ATG10: variants seen among roughly 807,000 people sequenced by gnomAD.
ATG10 encodes ubiquitin-like-conjugating enzyme ATG10.
Under a neutral mutation model 32.1 loss-of-function variants are expected in ATG10, and 30 were observed. That is an observed-to-expected ratio of 0.94 (90% CI 0.70 to 1.27). The LOEUF (loss-of-function observed/expected upper bound fraction) is 1.27, where lower values mean the gene tolerates loss of function less well. Among genes scored for constraint, ATG10 ranks in the 50% most tolerant of loss-of-function variants. The pLI is 0.00. For synonymous variants in ATG10, 87 were observed against 91.5 expected (o/e 0.95, Z 0.28); for missense variants, 233 against 262.3 (o/e 0.89, Z 0.77).
chr5:81,996,286 G>A (rs1386112563), intron 2 of ATG10, among the ~76,000 whole-genome samples: 1 of 152,200 alleles, frequency 6.6e-6, no homozygotes, highest in Non-Finnish European at 1.5e-5. Context: ...GTGCTGGAGT[G>A]CAGTGCAGTG....
intron 5 of ATG10, among the ~76,000 whole-genome samples, chr5:82,249,626 G>A (rs1176103312): frequency 6.6e-6 from 1 of 152,154 alleles, no homozygotes; most frequent in Non-Finnish European, 1.5e-5. Flanking sequence ...TACCAGATGA[G>A]GAAACAGAGA....
At chr5:82,190,366 A>G (rs2149943913) in intron 5 of ATG10, among the ~76,000 whole-genome samples, 1 of 152,016 alleles carries the variant, frequency 6.6e-6, no homozygotes, top group East Asian at 1.9e-4. Flanking sequence ...TATTATATAT[A>G]AAAATACACA....
intron 3 of ATG10, among the ~76,000 whole-genome samples, chr5:82,137,666 T>C (rs1388836002): frequency 6.6e-6 from 1 of 152,124 alleles, no homozygotes; most frequent in Admixed American, 6.5e-5. Context: ...TGCTGGGAAG[T>C]GCCTCCCAGT....
At chr5:81,993,939 AAGG>A (rs1040426926) in intron 2 of ATG10, among the ~76,000 whole-genome samples, 2 of 152,188 alleles carry the variant, frequency 1.3e-5, no homozygotes, top group Non-Finnish European at 2.9e-5. Context: ...GGAGCCAAAG[AAGG>A]AGAATTCTCT....
At chr5:82,200,463 C>CTTTTTTTTTTTTT (rs764388608) in intron 5 of ATG10, among the ~76,000 whole-genome samples, 1 of 52,496 alleles carries the variant, frequency 1.9e-5, no homozygotes, top group African/African-American at 7.8e-5. Context: ...TCCCTAACTT[C>CTTTTTTTTTTTTT]TTTTTTTTTT....
chr5:82,049,618 A>G (rs530185249), intron 2 of ATG10, among the ~76,000 whole-genome samples: 76 of 152,190 alleles, frequency 5.0e-4, no homozygotes, highest in Non-Finnish European at 7.8e-4. Flanking sequence ...GCATTATTGA[A>G]TGGCATTGAA....
At chr5:82,249,710 TCTTAA>T (rs1302419326) in intron 5 of ATG10, among the ~76,000 whole-genome samples, 1 of 152,158 alleles carries the variant, frequency 6.6e-6, no homozygotes, top group Non-Finnish European at 1.5e-5. Flanking sequence ...TCTCAAACAG[TCTTAA>T]CCATAGAGCT....
In ATG10 at chr5:82,082,154, G is replaced by A. The variant is rs111436666; in HGVS notation, c.216+23552G>A. 6.3e-3 allele frequency among the ~76,000 whole-genome samples: 960 copies of A among 152,194 alleles called. 10 individuals are homozygous for A. The highest frequency in any genetic ancestry group is 0.022 in the African/African-American group (908 of 41,520). ...AGTTACAATTCCAGATGAGATTTGG[G>A]GGGGGGGACACAGCCAAACCATTTC... On this transcript the variant is annotated intron_variant, in intron 3 of 7. Transcript: ENST00000282185.
intron 5 of ATG10, among the ~76,000 whole-genome samples, chr5:82,199,757 T>C (rs1479084108): frequency 6.6e-6 from 1 of 152,178 alleles, no homozygotes; most frequent in Non-Finnish European, 1.5e-5. Context: ...AAAATCAAGA[T>C]ACAGAGCATT....
intron 5 of ATG10, among the ~76,000 whole-genome samples, chr5:82,241,597 C>T (rs1038581171): frequency 3.3e-5 from 5 of 152,170 alleles, no homozygotes; most frequent in Middle Eastern, 3.4e-3. Flanking sequence ...CCCCCTTCTG[C>T]CCTAGGGTTT....
intron 2 of ATG10, among the ~76,000 whole-genome samples, chr5:82,029,068 T>C (rs1363417171): frequency 1.3e-5 from 2 of 152,192 alleles, no homozygotes; most frequent in African/African-American, 4.8e-5. Context: ...TCACAATTTA[T>C]TCATATTGTC....
intron 5 of ATG10, among the ~76,000 whole-genome samples, chr5:82,215,702 G>A (rs1217951971): frequency 6.6e-6 from 1 of 152,068 alleles, no homozygotes; most frequent in Non-Finnish European, 1.5e-5. Flanking sequence ...TTGGGAGGTT[G>A]AGGCAGGTGG....
intron 3 of ATG10, among the ~76,000 whole-genome samples, chr5:82,135,623 A>C (rs557595864): frequency 9.2e-5 from 14 of 152,262 alleles, no homozygotes; most frequent in Non-Finnish European, 1.9e-4. Flanking sequence ...TTTGCTGAGG[A>C]GTATTTTATT....
At chr5:82,199,878 A>G (rs1473020241) in intron 5 of ATG10, among the ~76,000 whole-genome samples, 2 of 152,104 alleles carry the variant, frequency 1.3e-5, no homozygotes. Flanking sequence ...TCGGAATGTC[A>G]TATATGGATT....
At chr5:82,023,538 G>C (rs954810484) in intron 2 of ATG10, among the ~76,000 whole-genome samples, 3 of 152,158 alleles carry the variant, frequency 2.0e-5, no homozygotes, top group Non-Finnish European at 2.9e-5. Context: ...AAACTAAAAT[G>C]AGTAAAATTA....
intron 4 of ATG10, among the ~76,000 whole-genome samples, chr5:82,164,987 A>G (rs1303142263): frequency 6.6e-6 from 1 of 152,262 alleles, no homozygotes; most frequent in Non-Finnish European, 1.5e-5. Flanking sequence ...GCTGTATTTA[A>G]AAATAGCACT....
chr5:82,017,392 T>G (rs1762319099), intron 2 of ATG10, among the ~76,000 whole-genome samples: 1 of 152,186 alleles, frequency 6.6e-6, no homozygotes, highest in Non-Finnish European at 1.5e-5. Flanking sequence ...TGGATGCCCT[T>G]TATTTCTTTC....
At position 82,039,307 on chromosome 5, in the gene ATG10, A is replaced by G. The variant is rs933078347; in HGVS notation, c.109-19188A>G. Among the ~76,000 whole-genome samples, 5 of 152,224 alleles carry G rather than the reference A, an allele frequency of 3.3e-5. No homozygotes were observed. The East Asian group carries it at 9.6e-4, about 29-fold the overall frequency. On this transcript the variant is annotated intron_variant, in intron 2 of 7. Coordinates refer to ENST00000282185, the MANE Select transcript of ATG10 (RefSeq NM_031482.5). ...TCACTTTATTTCTGCTTTGTCATAA[A>G]AATAGGAGAGAAGCAGGGAATTAAG...
intron 3 of ATG10, among the ~76,000 whole-genome samples, chr5:82,127,951 G>A (rs1369394882): frequency 3.9e-5 from 6 of 152,092 alleles, no homozygotes; most frequent in Admixed American, 2.6e-4. Context: ...CTTGCTTTAT[G>A]AATCTAGGTG....
Sources: allele counts gnomAD v4.1 joint callset (sites outside exome capture counted in the v4.1 genomes callset), GRCh38; gene constraint gnomAD v4.1.1; transcripts MANE v1.5; gene names NCBI Gene and HGNC (gene_info 2026-07-23, HGNC 2026-07-21).